SNX29: variants seen among roughly 807,000 people sequenced by gnomAD.
SNX29 encodes sorting nexin 29.
SNX29 carries 78 observed loss-of-function variants against 102.1 expected under a neutral mutation model. The ratio of observed to expected loss-of-function variants is 0.76; its 90% confidence interval spans 0.64 to 0.92. The LOEUF is 0.92. Among genes scored for constraint, SNX29 ranks in the 40% least tolerant of loss-of-function variants. The pLI is 0.00. For synonymous variants in SNX29, 580 were observed against 414.5 expected (o/e 1.40, Z -4.85); for missense variants, 1,280 against 1,061.7 (o/e 1.21, Z -2.86).
chr16:12,031,502 A>G (rs1219740796), intron 4 of SNX29, among the ~76,000 whole-genome samples: 1 of 150,960 alleles, frequency 6.6e-6, no homozygotes, highest in Non-Finnish European at 1.5e-5. Flanking sequence ...CGAAACTTCT[A>G]TTCTCTCTTA....
chr16:12,528,787 A>G (rs1199008415), intron 20 of SNX29, among the ~76,000 whole-genome samples: 4 of 152,182 alleles, frequency 2.6e-5, no homozygotes, highest in Non-Finnish European at 5.9e-5. Flanking sequence ...TTCGGTTTGC[A>G]CACTGTGCCA....
intron 14 of SNX29, among the ~76,000 whole-genome samples, chr16:12,245,582 A>G (rs554663171): frequency 1.4e-4 from 22 of 151,756 alleles, no homozygotes; most frequent in Non-Finnish European, 2.8e-4. Context: ...ATTGTAGTTT[A>G]TTTATTTATT....
At position 12,365,326 on chromosome 16, in the gene SNX29, T is replaced by TTGTGTGTGTGTGTGTG. The variant is rs58869867; in HGVS notation, c.1899+9071_1899+9086dup. Among the ~76,000 whole-genome samples the TTGTGTGTGTGTGTGTG allele has an allele frequency of 8.6e-5, 12 of 139,854 alleles. No individual in the cohort carries two copies. In the East Asian group the frequency reaches 1.1e-3, roughly 13 times the overall value. 91.7% of individuals were successfully genotyped at this position (139,854 alleles called of 152,430 possible). On this transcript the variant is annotated intron_variant, in intron 16 of 20. Coordinates refer to ENST00000566228, the MANE Select transcript of SNX29 (RefSeq NM_032167.5). ...TCCTTCTCACTTCATACATCAGGAT[T>TTGTGTGTGTGTGTGTG]TGTGTGTGTGTGTGTGTGTGTGTGT... is the stretch of plus-strand genomic sequence containing the variant.
At chr16:12,385,682 C>A (rs1245925772) in intron 16 of SNX29, among the ~76,000 whole-genome samples, 1 of 152,216 alleles carries the variant, frequency 6.6e-6, no homozygotes, top group African/African-American at 2.4e-5. Context: ...AAAGGAAAAG[C>A]GTGTGTGCTC....
At chr16:12,360,961 A>G (rs1444992323) in intron 16 of SNX29, among the ~76,000 whole-genome samples, 1 of 152,186 alleles carries the variant, frequency 6.6e-6, no homozygotes, top group Non-Finnish European at 1.5e-5. Flanking sequence ...TCTTTCTCCA[A>G]GCTACACCAG....
chr16:12,564,645 G>T (rs897330513), intron 20 of SNX29, among the ~76,000 whole-genome samples: 1 of 152,164 alleles, frequency 6.6e-6, no homozygotes, highest in African/African-American at 2.4e-5. Flanking sequence ...TCCCTGCTGG[G>T]GAGCAGGAAT....
At chr16:12,346,002 C>G (rs949064784) in intron 15 of SNX29, among the ~76,000 whole-genome samples, 2 of 152,334 alleles carry the variant, frequency 1.3e-5, no homozygotes, top group South Asian at 2.1e-4. Flanking sequence ...TCCCACTCCC[C>G]CCTCCCCACC....
At chr16:11,984,507 A>C (rs2055526523) in intron 1 of SNX29, among the ~76,000 whole-genome samples, 1 of 152,130 alleles carries the variant, frequency 6.6e-6, no homozygotes, top group Non-Finnish European at 1.5e-5. Context: ...TGGGCTCACT[A>C]TTGATCACTT....
chr16:12,021,153 G>T (rs1291012079), intron 3 of SNX29, among the ~76,000 whole-genome samples: 1 of 152,194 alleles, frequency 6.6e-6, no homozygotes, highest in African/African-American at 2.4e-5. Context: ...ATTGCCGGTT[G>T]TGGTGGTTCA....
At chr16:12,539,642 C>G (rs905394873) in intron 20 of SNX29, among the ~76,000 whole-genome samples, 11 of 152,318 alleles carry the variant, frequency 7.2e-5, no homozygotes, top group Admixed American at 5.2e-4. Context: ...ATGTAAGAAA[C>G]TGCATTCCCA....
chr16:12,058,124 G>C (rs573132938), intron 8 of SNX29, among the ~76,000 whole-genome samples: 1 of 151,916 alleles, frequency 6.6e-6, no homozygotes, highest in African/African-American at 2.4e-5. Flanking sequence ...CTGGCCTAAT[G>C]AGTTAATATT....
At chr16:12,565,545 C>T (rs987944845) in intron 20 of SNX29, among the ~76,000 whole-genome samples, 5 of 152,182 alleles carry the variant, frequency 3.3e-5, no homozygotes, top group African/African-American at 9.7e-5. Context: ...AGGATTGAAC[C>T]ATCCCTGTGT....
At chr16:12,164,308 T>A (rs1326752125) in intron 13 of SNX29, among the ~76,000 whole-genome samples, 2 of 152,158 alleles carry the variant, frequency 1.3e-5, no homozygotes, top group Non-Finnish European at 2.9e-5. Flanking sequence ...AAACAGAATT[T>A]CCAGTTGACC....
intron 15 of SNX29, among the ~76,000 whole-genome samples, chr16:12,297,744 T>C (rs1176825057): frequency 6.6e-6 from 1 of 152,186 alleles, no homozygotes; most frequent in African/African-American, 2.4e-5. Flanking sequence ...TCAGTAAAGC[T>C]GGGGGAAATG....
At chr16:12,461,440 C>G (rs1462303845) in intron 18 of SNX29, among the ~76,000 whole-genome samples, 1 of 152,152 alleles carries the variant, frequency 6.6e-6, no homozygotes, top group African/African-American at 2.4e-5. Context: ...AGAGCAAGTT[C>G]TAACCGCAGC....
At chr16:12,378,944 A>C (rs1597148828) in intron 16 of SNX29, among the ~76,000 whole-genome samples, 2 of 152,258 alleles carry the variant, frequency 1.3e-5, no homozygotes, top group African/African-American at 4.8e-5. Flanking sequence ...ATGTTAGTTA[A>C]TTGACCCATC....
At chr16:12,062,080 G>C (rs1235389410) in intron 9 of SNX29, among the ~76,000 whole-genome samples, 2 of 152,240 alleles carry the variant, frequency 1.3e-5, no homozygotes, top group African/African-American at 4.8e-5. Context: ...AAGTAGCTTG[G>C]TTAAAAGCTG....
At chr16:12,230,760 C>T (rs1417874580) in intron 14 of SNX29, among the ~76,000 whole-genome samples, 1 of 152,114 alleles carries the variant, frequency 6.6e-6, no homozygotes, top group Admixed American at 6.6e-5. Flanking sequence ...ATTTGGGCTG[C>T]ACGTTGGAGT....
intron 15 of SNX29, among the ~76,000 whole-genome samples, chr16:12,345,690 T>C (rs934735911): frequency 1.3e-5 from 2 of 152,054 alleles, no homozygotes; most frequent in African/African-American, 4.8e-5. Context: ...GAGATTTGAG[T>C]GACGTTGTGA....
Sources: gnomAD v4.1 joint callset for allele counts (sites outside exome capture counted in the v4.1 genomes callset) on GRCh38, gnomAD v4.1.1 for gene constraint, MANE v1.5 for transcripts, NCBI Gene and HGNC (gene_info 2026-07-23, HGNC 2026-07-21) for gene names.